DCBLD1: variants seen among roughly 807,000 people sequenced by gnomAD.
DCBLD1 encodes discoidin, CUB and LCCL domain-containing protein 1.
Under a neutral mutation model 71.5 loss-of-function variants are expected in DCBLD1, and 57 were observed. That is an observed-to-expected ratio of 0.80 (90% CI 0.64 to 0.99). DCBLD1 has a LOEUF of 0.99. Ranked by LOEUF, DCBLD1 falls within the 50% of genes least tolerant of loss-of-function variation. DCBLD1 has a pLI of 0.00. For missense variants in DCBLD1, 891 were observed against 923.5 expected (o/e 0.96, Z 0.46); for synonymous variants, 380 against 363.8 (o/e 1.04, Z -0.51).
At chr6:117,552,591 C>T (rs1031302365), downstream of DCBLD1, among the ~76,000 whole-genome samples, 3 of 152,140 alleles carry the variant, frequency 2.0e-5, no homozygotes, top group Non-Finnish European at 4.4e-5. Context: ...TCTTCCAGGC[C>T]ACTTTTTTCC....
At chr6:117,533,190 T>G (rs1016929632) in intron 6 of DCBLD1, among the ~76,000 whole-genome samples, 1 of 152,178 alleles carries the variant, frequency 6.6e-6, no homozygotes, top group Admixed American at 6.5e-5. Context: ...TGCAACTGTT[T>G]TTTGGACAGG....
In DCBLD1 at chr6:117,548,216, T is replaced by C. The variant is rs1344450747; in HGVS notation, c.1925T>C (p.Val642Ala). 5 of 1,550,356 alleles carry C rather than the reference T, an allele frequency of 3.2e-6. No individual in the cohort carries two copies. The highest frequency in any genetic ancestry group is 4.4e-6 in the Non-Finnish European group (5 of 1,146,962). ...HSLSSGGFSP[V>A]AGVGAQDGDY... is the part of the protein sequence containing the mutation. ...CTCTCCTCGGGCGGCTTCTCCCCCG[T>C]AGCGGGTGTGGGCGCCCAGGACGGA... is the stretch of plus-strand genomic sequence containing the variant. Residue 642 changes from valine (V) to alanine (A), a missense_variant, in exon 15 of 15, where the codon GTA (valine) becomes GCA (alanine). Val to Ala is a moderately conservative substitution (Grantham distance 64, BLOSUM62 0). Transcript: ENST00000338728.
At chr6:117,499,444 A>G (rs183642938) in intron 1 of DCBLD1, among the ~76,000 whole-genome samples, 9 of 152,090 alleles carry the variant, frequency 5.9e-5, no homozygotes, top group African/African-American at 2.2e-4. Context: ...AGCATACAGG[A>G]TAACAAAATG....
In DCBLD1 at chr6:117,563,508, G is replaced by A. The variant is rs1368565223; in HGVS notation, c.1616-6112G>A. The A allele has an allele frequency of 2.7e-5, 23 of 846,366 alleles. 1 individual carries two copies. The highest frequency in any genetic ancestry group is 4.1e-5 in the Non-Finnish European group (22 of 532,736). The allele number at this position is 846,366 out of a possible 1,614,324, so 52.4% of individuals were successfully genotyped here. A position where few individuals can be genotyped will look rare whatever the true frequency, so the allele number is the denominator to read the frequency against. On this transcript the variant is annotated intron_variant, in intron 14 of 14. Transcript: ENST00000296955. ...AGGCCAAGGTGGGTGGATAACCTGAGGTTAGGGGTTCGAGACCAGCCTGGA... is the reference window on the plus strand; with the variant it reads ...AGGCCAAGGTGGGTGGATAACCTGAAGTTAGGGGTTCGAGACCAGCCTGGA...
intron 1 of DCBLD1, among the ~76,000 whole-genome samples, chr6:117,500,422 A>G (rs1307181302): frequency 2.0e-5 from 3 of 152,192 alleles, no homozygotes; most frequent in Admixed American, 2.0e-4. Flanking sequence ...AATTTTCCCA[A>G]GGAGGTAGAG....
At chr6:117,533,308 C>A (rs1778784829) in intron 6 of DCBLD1, among the ~76,000 whole-genome samples, 1 of 152,154 alleles carries the variant, frequency 6.6e-6, no homozygotes, top group Non-Finnish European at 1.5e-5. Flanking sequence ...TTCTATCACT[C>A]ATTAATCTGT....
At position 117,541,042 on chromosome 6, in the gene DCBLD1, CT is replaced by C; in HGVS notation, c.1357+18del. On this transcript the variant is annotated intron_variant, in intron 11 of 14. Transcript: ENST00000338728. ...CATCCACAGGTAGAGCCGTGATTGTCTGTGGTTTCATAAGGAGCATAACTGG... is the reference window on the plus strand; with the variant it reads ...CATCCACAGGTAGAGCCGTGATTGTCGTGGTTTCATAAGGAGCATAACTGG... 1 of 1,613,154 alleles carries C rather than the reference CT, an allele frequency of 6.2e-7. No individual in the cohort carries two copies. The highest frequency in any genetic ancestry group is 1.1e-5 in the South Asian group (1 of 91,044).
chr6:117,520,471 G>T (rs912239752), intron 3 of DCBLD1, among the ~76,000 whole-genome samples: 2 of 152,096 alleles, frequency 1.3e-5, no homozygotes, highest in African/African-American at 4.8e-5. Context: ...ATTCTCTGGA[G>T]CCCTCCCCCA....
chr6:117,511,198 G>A (rs772867414), intron 2 of DCBLD1, among the ~76,000 whole-genome samples: 4 of 152,180 alleles, frequency 2.6e-5, no homozygotes, highest in African/African-American at 7.2e-5. Flanking sequence ...TTCGTCACTT[G>A]CTGGAAGAAA....
chr6:117,515,519 T>G (rs1231191238), intron 2 of DCBLD1, among the ~76,000 whole-genome samples: 2 of 152,228 alleles, frequency 1.3e-5, no homozygotes, highest in African/African-American at 4.8e-5. Context: ...AGCAAGTGTC[T>G]TCACCCCTCT....
intron 1 of DCBLD1, among the ~76,000 whole-genome samples, chr6:117,501,210 CAG>C (rs1301599796): frequency 6.6e-6 from 1 of 152,142 alleles, no homozygotes; most frequent in African/African-American, 2.4e-5. Context: ...GGGCAGGTAA[CAG>C]AAATGAGTAA....
intron 11 of DCBLD1, among the ~76,000 whole-genome samples, chr6:117,542,702 G>T (rs931983651): frequency 6.6e-6 from 1 of 151,868 alleles, no homozygotes; most frequent in Non-Finnish European, 1.5e-5. Context: ...GTCCAAACCC[G>T]CCTGCCATCT....
chr6:117,536,065 T>G (rs753518640), intron 6 of DCBLD1, among the ~76,000 whole-genome samples: 3 of 152,166 alleles, frequency 2.0e-5, no homozygotes, highest in African/African-American at 4.8e-5. Flanking sequence ...TCTAGAGAGT[T>G]TTACTACCCA....
chr6:117,512,293 A>T (rs1463699527), intron 2 of DCBLD1, among the ~76,000 whole-genome samples: 1 of 152,164 alleles, frequency 6.6e-6, no homozygotes, highest in Non-Finnish European at 1.5e-5. Flanking sequence ...TTCATTTATC[A>T]TCTGTCACTG....
chr6:117,544,748 C>T (rs1213801161), intron 13 of DCBLD1, among the ~76,000 whole-genome samples, 171 bp downstream of exon 13: 1 of 152,022 alleles, frequency 6.6e-6, no homozygotes, highest in African/African-American at 2.4e-5. Flanking sequence ...TGTTCTGTCT[C>T]TTTATTTTAA....
intron 14 of DCBLD1, among the ~76,000 whole-genome samples, chr6:117,567,933 G>A (rs375091381): frequency 2.0e-5 from 3 of 149,496 alleles, no homozygotes; most frequent in East Asian, 4.0e-4. Context: ...GCTTACACCT[G>A]TAATCCCAGC....
intron 11 of DCBLD1, 83 bp from the exon 12 acceptor site, chr6:117,543,041 T>G: frequency 8.4e-7 from 1 of 1,184,074 alleles, no homozygotes. Flanking sequence ...TAAAGACTTT[T>G]CAATTCCATG....
intron 1 of DCBLD1, among the ~76,000 whole-genome samples, chr6:117,498,432 T>C (rs1777537609): frequency 1.3e-5 from 2 of 152,194 alleles, no homozygotes; most frequent in Non-Finnish European, 2.9e-5. Flanking sequence ...AGATAAACAT[T>C]GTGTGGTGTA....
chr6:117,548,130 C>T lies in DCBLD1; in HGVS notation c.1839C>T (p.His613=), dbSNP rs942637003. 3.4e-5 allele frequency: 52 copies of T among 1,549,864 alleles called. No homozygotes were observed. Among genetic ancestry groups the T allele is most frequent in the Non-Finnish European group, 4.4e-5 (51 of 1,146,692 alleles). ...TGGAGCGGCACGTGCTGCGCGCCCA[C>T]ACGTTCTCTGCGCAGAGCGGCTACC... ...PIVERHVLRA[H]TFSAQSGYRV... The change falls in exon 15 of 15, where the codon CAC becomes CAT. Residue 613 remains histidine, a synonymous_variant. Transcript: ENST00000338728.
Sources: gnomAD v4.1 joint callset for allele counts (sites outside exome capture counted in the v4.1 genomes callset) on GRCh38, gnomAD v4.1.1 for gene constraint, MANE v1.5 for transcripts, NCBI Gene and HGNC (gene_info 2026-07-23, HGNC 2026-07-21) for gene names.